Variants in PIP4K2A observed in about 807,000 individuals in gnomAD.
The protein encoded by PIP4K2A is phosphatidylinositol 5-phosphate 4-kinase type-2 alpha.
In PIP4K2A, 14 loss-of-function variants were observed where a neutral mutation model predicts 42.9. The ratio of observed to expected loss-of-function variants is 0.33; its 90% CI spans 0.22 to 0.51. The LOEUF (loss-of-function observed/expected upper bound fraction) is 0.51, where lower values mean the gene tolerates loss of function less well. PIP4K2A is among the 20% of genes least tolerant of loss of function. The pLI, the probability that PIP4K2A is intolerant of heterozygous loss-of-function variation, is 0.97. For missense variants in PIP4K2A, 434 were observed against 519.8 expected, an observed-to-expected ratio of 0.83 and a Z score of 1.61; for synonymous variants, 192 against 192.2, an observed-to-expected ratio of 1.00 and a Z score of 0.01.
chr10:22,584,465 G>A (rs1214682219), intron 4 of PIP4K2A, among the ~76,000 whole-genome samples: 3 of 152,190 alleles, frequency 2.0e-5, no homozygotes, highest in African/African-American at 7.2e-5. Context: ...GGATGAGCAC[G>A]TTAAAGATGT....
At chr10:22,571,050 C>T (rs1170315677) in intron 5 of PIP4K2A, among the ~76,000 whole-genome samples, 1 of 152,156 alleles carries the variant, frequency 6.6e-6, no homozygotes, top group African/African-American at 2.4e-5. Flanking sequence ...CCCAGGAGTA[C>T]ACGTCTTTTC....
intron 1 of PIP4K2A, among the ~76,000 whole-genome samples, chr10:22,620,849 C>G (rs1838313060): frequency 6.6e-6 from 1 of 152,232 alleles, no homozygotes; most frequent in Non-Finnish European, 1.5e-5. Context: ...AATCACAAAA[C>G]AACTTTCCAG....
chr10:22,619,436 T>TTC (rs1323294399), intron 1 of PIP4K2A, among the ~76,000 whole-genome samples: 22 of 130,436 alleles, frequency 1.7e-4, no homozygotes, highest in African/African-American at 9.0e-4. Flanking sequence ...CTTTTTCTTT[T>TTC]TTCTTTTTTT....
At chr10:22,575,948 CA>C (rs941971840) in intron 4 of PIP4K2A, among the ~76,000 whole-genome samples, 2 of 150,028 alleles carry the variant, frequency 1.3e-5, no homozygotes, top group Non-Finnish European at 3.0e-5. Context: ...AAAAAAAAAA[CA>C]AAAAAGAAAA....
At chr10:22,601,204 C>T (rs1293699074) in intron 3 of PIP4K2A, among the ~76,000 whole-genome samples, 2 of 138,960 alleles carry the variant, frequency 1.4e-5, no homozygotes, top group South Asian at 2.4e-4. Context: ...GTAAACACAG[C>T]GTTTAACCTG....
chr10:22,621,235 T>C (rs1838324200), intron 1 of PIP4K2A, among the ~76,000 whole-genome samples: 1 of 152,002 alleles, frequency 6.6e-6, no homozygotes, highest in African/African-American at 2.4e-5. Context: ...AACCAATCAA[T>C]CCCCTAAGCT....
chr10:22,541,558 A>G (rs193124542), intron 8 of PIP4K2A, among the ~76,000 whole-genome samples: 4 of 152,212 alleles, frequency 2.6e-5, no homozygotes, highest in African/African-American at 9.6e-5. Flanking sequence ...CATGTATAGT[A>G]TAGTTCGTGG....
chr10:22,675,414 C>A (rs1839537404), intron 1 of PIP4K2A, among the ~76,000 whole-genome samples: 1 of 152,068 alleles, frequency 6.6e-6, no homozygotes, highest in Non-Finnish European at 1.5e-5. Flanking sequence ...GGTGAAACCC[C>A]ATCTCTACTA....
At chr10:22,675,165 T>C (rs914155671) in intron 1 of PIP4K2A, among the ~76,000 whole-genome samples, 7 of 152,206 alleles carry the variant, frequency 4.6e-5, no homozygotes, top group Admixed American at 1.3e-4. Flanking sequence ...GATTGGTACA[T>C]TGACTAAAAA....
intron 5 of PIP4K2A, among the ~76,000 whole-genome samples, chr10:22,568,577 G>T (rs1836904734): frequency 6.6e-6 from 1 of 152,146 alleles, no homozygotes; most frequent in South Asian, 2.1e-4. Flanking sequence ...GGAAAACATG[G>T]CCCTTGATCT....
chr10:22,600,058 C>A (rs966556003), intron 3 of PIP4K2A, among the ~76,000 whole-genome samples: 1 of 152,066 alleles, frequency 6.6e-6, no homozygotes, highest in East Asian at 1.9e-4. Context: ...TTAATTAGCT[C>A]ATTCTTACCG....
At chr10:22,593,149 G>A (rs1187876419) in intron 3 of PIP4K2A, among the ~76,000 whole-genome samples, 1 of 152,164 alleles carries the variant, frequency 6.6e-6, no homozygotes, top group African/African-American at 2.4e-5. Context: ...TATGCCTGAA[G>A]AGAAAAGTGG....
chr10:22,680,445 T>C (rs1236393531), intron 1 of PIP4K2A, among the ~76,000 whole-genome samples: 2 of 152,198 alleles, frequency 1.3e-5, no homozygotes, highest in African/African-American at 4.8e-5. Flanking sequence ...AAAAATAGCA[T>C]TTAATGTCTT....
intron 1 of PIP4K2A, among the ~76,000 whole-genome samples, chr10:22,672,416 T>TCC (rs1226264721): frequency 2.0e-5 from 3 of 152,332 alleles, no homozygotes; most frequent in African/African-American, 7.2e-5. Context: ...GATTTGTCTA[T>TCC]AGTGATTTAA....
At chr10:22,597,101 C>T (rs2130830064) in intron 3 of PIP4K2A, among the ~76,000 whole-genome samples, 1 of 152,338 alleles carries the variant, frequency 6.6e-6, no homozygotes, top group Admixed American at 6.5e-5. Context: ...CTGTTATTTA[C>T]ACTTTTATTA....
At chr10:22,659,359 C>T (rs1839159554) in intron 1 of PIP4K2A, among the ~76,000 whole-genome samples, 1 of 152,162 alleles carries the variant, frequency 6.6e-6, no homozygotes, top group African/African-American at 2.4e-5. Context: ...CTTTGGGAGG[C>T]CAAGGTGGGC....
At chr10:22,580,239 A>C (rs1837235084) in intron 4 of PIP4K2A, among the ~76,000 whole-genome samples, 1 of 151,916 alleles carries the variant, frequency 6.6e-6, no homozygotes, top group Non-Finnish European at 1.5e-5. Context: ...TAAAACACCA[A>C]AAAAAATATT....
At chr10:22,548,488 G>A (rs74627864) in intron 7 of PIP4K2A, among the ~76,000 whole-genome samples, 2,499 of 152,186 alleles carry the variant, frequency 0.016, 53 homozygotes, top group African/African-American at 0.055. Context: ...ATAACCCTAA[G>A]GGCTACTTAC....
chr10:22,594,109 A>ATGC (rs1837570794), intron 3 of PIP4K2A, among the ~76,000 whole-genome samples: 1 of 152,174 alleles, frequency 6.6e-6, no homozygotes, highest in Non-Finnish European at 1.5e-5. Flanking sequence ...TCAGAAGTAG[A>ATGC]TGCTGCTGCT....
Sources: allele counts gnomAD v4.1 joint callset (sites outside exome capture counted in the v4.1 genomes callset), GRCh38; gene constraint gnomAD v4.1.1; transcripts MANE v1.5; gene names NCBI Gene and HGNC (gene_info 2026-07-23, HGNC 2026-07-21).